Variants in TDRD3 observed in about 807,000 individuals in gnomAD.
The protein encoded by TDRD3 is tudor domain containing 3, also known as tudor domain-containing protein 3.
TDRD3 carries 45 observed loss-of-function variants against 86.7 expected under a neutral mutation model. The ratio of observed to expected loss-of-function variants is 0.52; its 90% CI spans 0.41 to 0.67. The LOEUF (loss-of-function observed/expected upper bound fraction) is 0.67. Among genes scored for constraint, TDRD3 ranks in the 30% least tolerant of loss-of-function variants. TDRD3 has a pLI of 0.00. For missense variants in TDRD3, 814 were observed against 889.0 expected (o/e 0.92, Z 1.07); for synonymous variants, 298 against 301.7 (o/e 0.99, Z 0.13).
intron 3 of TDRD3, among the ~76,000 whole-genome samples, chr13:60,450,419 G>A (rs918933189): frequency 9.9e-5 from 15 of 152,140 alleles, no homozygotes; most frequent in Non-Finnish European, 1.9e-4. Context: ...AGATAGATCC[G>A]AATTGGAATT....
intron 5 of TDRD3, among the ~76,000 whole-genome samples, chr13:60,475,778 T>C (rs1956172395): frequency 1.3e-5 from 2 of 152,256 alleles, no homozygotes; most frequent in Admixed American, 6.5e-5. Context: ...TGATTTACAT[T>C]TCTCTAATGA....
chr13:60,495,822 A>G (rs766770569), intron 8 of TDRD3, among the ~76,000 whole-genome samples: 3 of 152,150 alleles, frequency 2.0e-5, no homozygotes, highest in African/African-American at 4.8e-5. Flanking sequence ...TGAGCCAAGA[A>G]CACTGATCTT....
intron 5 of TDRD3, among the ~76,000 whole-genome samples, chr13:60,479,698 T>G (rs545432660): frequency 5.9e-5 from 9 of 152,340 alleles, no homozygotes; most frequent in African/African-American, 2.2e-4. Context: ...ATATACATAT[T>G]TAGGATAGCT....
At chr13:60,448,949 A>G (rs912531283) in intron 3 of TDRD3, among the ~76,000 whole-genome samples, 3 of 152,152 alleles carry the variant, frequency 2.0e-5, no homozygotes, top group Admixed American at 6.6e-5. Flanking sequence ...CTAACTGTAC[A>G]GTCTTTGAGT....
intron 1 of TDRD3, among the ~76,000 whole-genome samples, chr13:60,427,958 C>T (rs1316444162): frequency 6.6e-6 from 1 of 152,100 alleles, no homozygotes; most frequent in Non-Finnish European, 1.5e-5. Context: ...ATTCACTTAA[C>T]AGTTCTGGAG....
chr13:60,516,712 C>G (rs1292262942), intron 10 of TDRD3, among the ~76,000 whole-genome samples: 1 of 152,174 alleles, frequency 6.6e-6, no homozygotes, highest in African/African-American at 2.4e-5. Flanking sequence ...ATATGAAGTG[C>G]TAAGCCTAGT....
intron 12 of TDRD3, among the ~76,000 whole-genome samples, chr13:60,552,689 G>A (rs1306069083): frequency 2.6e-5 from 4 of 152,228 alleles, no homozygotes. Context: ...CCCTGCAGCA[G>A]ACTTCTGCCT....
At chr13:60,499,672 TG>T (rs1157502791) in intron 8 of TDRD3, among the ~76,000 whole-genome samples, 1 of 152,212 alleles carries the variant, frequency 6.6e-6, no homozygotes, top group Non-Finnish European at 1.5e-5. Flanking sequence ...GAAATAAATC[TG>T]ACTAAAATTC....
At chr13:60,540,776 A>G (rs971383925) in intron 12 of TDRD3, among the ~76,000 whole-genome samples, 4 of 152,162 alleles carry the variant, frequency 2.6e-5, no homozygotes, top group Non-Finnish European at 5.9e-5. Flanking sequence ...AACTATATGT[A>G]AAAACATATT....
intron 1 of TDRD3, among the ~76,000 whole-genome samples, chr13:60,424,701 A>G (rs1044846928): frequency 3.3e-5 from 5 of 152,124 alleles, no homozygotes; most frequent in Admixed American, 3.3e-4. Context: ...AATAAAGCAT[A>G]TCATTCAGTA....
chr13:60,570,669 C>A (rs1958567902), intron 13 of TDRD3, among the ~76,000 whole-genome samples: 1 of 152,102 alleles, frequency 6.6e-6, no homozygotes, highest in Admixed American at 6.5e-5. Flanking sequence ...TGGAAGGCAG[C>A]CATTGTTTAA....
At position 60,462,955 on chromosome 13, in the gene TDRD3, A is replaced by G. The variant is rs553932974; in HGVS notation, c.353+2415A>G. 3.3e-5 allele frequency among the ~76,000 whole-genome samples: 5 copies of G among 152,328 alleles called. No individual in the cohort carries two copies. In the East Asian group the frequency reaches 7.7e-4, roughly 23 times the overall value. ...ATGGAACAGAATAGAGAACCCAGAA[A>G]TAAATCCACATACTTATAGCCAACT... On this transcript the variant is annotated intron_variant, in intron 4 of 13. Coordinates refer to ENST00000377881, the MANE Select transcript of TDRD3 (RefSeq NM_001146070.2).
At chr13:60,555,766 G>A (rs1287784244) in intron 12 of TDRD3, among the ~76,000 whole-genome samples, 2 of 151,702 alleles carry the variant, frequency 1.3e-5, no homozygotes, top group African/African-American at 2.4e-5. Context: ...AATGGAAAAT[G>A]TAGTGGTTAG....
chr13:60,397,484 G>C, intron 1 of TDRD3, 79 bp downstream of exon 1: 2 of 1,259,114 alleles, frequency 1.6e-6, no homozygotes, highest in South Asian at 1.7e-5. Flanking sequence ...GGGCGGCGGG[G>C]TGCGTGTCGG....
At chr13:60,440,899 CATAA>C (rs1955248108) in intron 2 of TDRD3, among the ~76,000 whole-genome samples, 2 of 152,008 alleles carry the variant, frequency 1.3e-5, no homozygotes, top group Non-Finnish European at 2.9e-5. Context: ...ACATTTAAAA[CATAA>C]ATAAATGTAT....
intron 12 of TDRD3, among the ~76,000 whole-genome samples, chr13:60,557,750 T>C (rs1422649722): frequency 6.6e-6 from 1 of 151,864 alleles, no homozygotes; most frequent in African/African-American, 2.4e-5. Flanking sequence ...CTCCAAGTTT[T>C]AGTACTTTTT....
chr13:60,566,736 C>A (rs1451923092), intron 12 of TDRD3, among the ~76,000 whole-genome samples: 1 of 152,106 alleles, frequency 6.6e-6, no homozygotes, highest in South Asian at 2.1e-4. Flanking sequence ...CAGTAAGAAA[C>A]CAGTGTGGCT....
chr13:60,499,718 C>T (rs545621764), intron 8 of TDRD3, among the ~76,000 whole-genome samples: 27 of 152,120 alleles, frequency 1.8e-4, no homozygotes, highest in Non-Finnish European at 3.8e-4. Context: ...TTCTAGGGGT[C>T]CAGTGGTGTG....
intron 4 of TDRD3, chr13:60,460,982 G>A (rs1003008376): frequency 3.3e-5 from 5 of 151,992 alleles, no homozygotes; most frequent in African/African-American, 1.2e-4. Context: ...CAGCCTGGGT[G>A]ACAGTGGGAC....
Sources: allele counts gnomAD v4.1 joint callset (sites outside exome capture counted in the v4.1 genomes callset), GRCh38; gene constraint gnomAD v4.1.1; transcripts MANE v1.5; gene names NCBI Gene and HGNC (gene_info 2026-07-23, HGNC 2026-07-21).